ATF6: variants seen among roughly 807,000 people sequenced by gnomAD.
The protein encoded by ATF6 is cyclic AMP-dependent transcription factor ATF-6 alpha.
ATF6 carries 53 observed loss-of-function variants against 83.6 expected under a neutral mutation model. The ratio of observed to expected loss-of-function variants is 0.63; its 90% CI spans 0.51 to 0.80. The LOEUF is 0.80. Ranked by LOEUF, ATF6 falls within the 30% of genes least tolerant of loss-of-function variation. ATF6 has a pLI of 0.00. For synonymous variants in ATF6, 288 were observed against 285.8 expected, an observed-to-expected ratio of 1.01 and a Z score of -0.08; for missense variants, 744 against 797.9, an observed-to-expected ratio of 0.93 and a Z score of 0.81.
intron 4 of ATF6, among the ~76,000 whole-genome samples, chr1:161,790,340 C>T (rs1468217119): frequency 6.6e-6 from 1 of 152,062 alleles, no homozygotes; most frequent in Non-Finnish European, 1.5e-5. Context: ...GAGATTATGT[C>T]TATTGCGTGA....
chr1:161,890,636 G>C (rs7545293), intron 14 of ATF6, among the ~76,000 whole-genome samples: 15,237 of 152,280 alleles, frequency 0.1, 1,326 homozygotes, highest in East Asian at 0.32. Flanking sequence ...AGATCCGGCT[G>C]GTTCTCTGCT....
intron 6 of ATF6, among the ~76,000 whole-genome samples, chr1:161,795,100 C>T (rs773105361): frequency 5.9e-5 from 9 of 151,778 alleles, no homozygotes; most frequent in African/African-American, 9.7e-5. Flanking sequence ...TGGTCTGGCT[C>T]GGAGTCTATG....
intron 13 of ATF6, among the ~76,000 whole-genome samples, chr1:161,862,420 A>G (rs1250746302): frequency 6.6e-6 from 1 of 152,190 alleles, no homozygotes; most frequent in African/African-American, 2.4e-5. Context: ...ACCCTAGAAA[A>G]TCCTGAACAC....
At chr1:161,886,918 A>G (rs934856867) in intron 14 of ATF6, among the ~76,000 whole-genome samples, 1 of 152,188 alleles carries the variant, frequency 6.6e-6, no homozygotes, top group South Asian at 2.1e-4. Context: ...TTCTAGAGAC[A>G]CTGAATTGGC....
At chr1:161,882,699 G>T (rs1272810453) in intron 14 of ATF6, among the ~76,000 whole-genome samples, 2 of 147,340 alleles carry the variant, frequency 1.4e-5, no homozygotes, top group Non-Finnish European at 3.0e-5. Context: ...TTTAGTGGGG[G>T]TCGATACAGC....
rs185585085 is a variant in ATF6 at position 161,899,226 on chromosome 1, A to C, written c.1720-13070A>C. Among the ~76,000 whole-genome samples, 309 of 152,340 alleles carry C rather than the reference A, an allele frequency of 2.0e-3. 1 individual carries two copies. Among genetic ancestry groups the C allele is most frequent in the African/African-American group, 7.2e-3 (299 of 41,572 alleles). On this transcript the variant is annotated intron_variant, in intron 14 of 15. Transcript: ENST00000367942. ...ATAAATATTTTAAAGTACTCCAGGC[A>C]GTTCTCCTTCAGTATTCCCAGGATG...
chr1:161,926,369 G>A (rs747646018), intron 15 of ATF6, among the ~76,000 whole-genome samples: 4 of 152,066 alleles, frequency 2.6e-5, no homozygotes, highest in South Asian at 2.1e-4. Flanking sequence ...TTCTGCTTCC[G>A]GATCTCTCTT....
intron 13 of ATF6, among the ~76,000 whole-genome samples, chr1:161,860,532 C>T (rs1041921470): frequency 3.3e-5 from 5 of 151,744 alleles, no homozygotes; most frequent in African/African-American, 1.2e-4. Context: ...AATGCTGTTC[C>T]ATCATAATTT....
chr1:161,889,524 G>A (rs1455951713), intron 14 of ATF6, among the ~76,000 whole-genome samples: 1 of 152,184 alleles, frequency 6.6e-6, no homozygotes, highest in Non-Finnish European at 1.5e-5. Flanking sequence ...TCTAAATCAT[G>A]GGAAGTTACA....
chr1:161,844,876 C>G lies in ATF6; in HGVS notation c.1188-1573C>G, dbSNP rs889415435. On this transcript the variant is annotated intron_variant, in intron 9 of 15. Transcript: ENST00000367942. The stretch of plus-strand genomic sequence containing the variant: ...GTGACTTTTCTTAAGTTTAGACAGA[C>G]ATTCCACTAGGTCTCTTACCTCATT... Among the ~76,000 whole-genome samples, 3 of 152,198 alleles carry G rather than the reference C, an allele frequency of 2.0e-5. No individual in the cohort carries two copies. The South Asian group carries it at 6.2e-4, about 31-fold the overall frequency.
intron 15 of ATF6, among the ~76,000 whole-genome samples, chr1:161,938,169 G>A (rs1688575155): frequency 6.6e-6 from 1 of 152,126 alleles, no homozygotes; most frequent in South Asian, 2.1e-4. Context: ...TCGCCTGTCT[G>A]GAGTGCACTT....
Position 161,851,271 on chromosome 1 carries a change from CA to C in ATF6, c.1320-450del, listed in dbSNP as rs1557995057. ...ACACACACACACACACACACACACACACACCCCTACCTGTTTTACAGATACT... is the reference window on the plus strand; with the variant it reads ...ACACACACACACACACACACACACACCACCCCTACCTGTTTTACAGATACT... On this transcript the variant is annotated intron_variant, in intron 10 of 15. Transcript: ENST00000367942. Among the ~76,000 whole-genome samples, 363 of 149,780 alleles carry C rather than the reference CA, an allele frequency of 2.4e-3. 2 individuals are homozygous for C. Among genetic ancestry groups the C allele is most frequent in the African/African-American group, 8.6e-3 (345 of 40,338 alleles).
At chr1:161,832,889 A>G (rs1686102475) in intron 9 of ATF6, among the ~76,000 whole-genome samples, 1 of 152,230 alleles carries the variant, frequency 6.6e-6, no homozygotes, top group Non-Finnish European at 1.5e-5. Context: ...TCCCTGTCTG[A>G]CAGCTTTGAA....
At chr1:161,794,492 T>G (rs927288114) in intron 6 of ATF6, among the ~76,000 whole-genome samples, 1 of 152,188 alleles carries the variant, frequency 6.6e-6, no homozygotes, top group Admixed American at 6.5e-5. Flanking sequence ...TTGTTTGTTT[T>G]TAATAGAGAC....
chr1:161,866,920 AT>A (rs1265425829), intron 14 of ATF6, among the ~76,000 whole-genome samples: 7 of 151,916 alleles, frequency 4.6e-5, no homozygotes, highest in African/African-American at 1.7e-4. Flanking sequence ...GCTAATTTTT[AT>A]TTATTTTTTG....
intron 10 of ATF6, among the ~76,000 whole-genome samples, chr1:161,847,397 G>T (rs1284621786): frequency 6.6e-6 from 1 of 152,108 alleles, no homozygotes; most frequent in Non-Finnish European, 1.5e-5. Flanking sequence ...ACTGTTGAAA[G>T]ATGATCACCA....
At chr1:161,870,186 ATTGT>A (rs758643245) in intron 14 of ATF6, among the ~76,000 whole-genome samples, 35 of 151,920 alleles carry the variant, frequency 2.3e-4, no homozygotes, top group Middle Eastern at 3.4e-3. Flanking sequence ...AACTTCAAAA[ATTGT>A]TTGTTTGTTA....
Position 161,962,431 on chromosome 1 carries a change from T to C in ATF6, c.*3777T>C, listed in dbSNP as rs1689120574. On this transcript the variant is annotated 3_prime_UTR_variant, in exon 16 of 16. Coordinates refer to ENST00000367942, the MANE Select transcript of ATF6 (RefSeq NM_007348.4). ...TGGTGGCATTTAGCATCGTTAAAAC[T>C]GGAAAACTCTCAAGCTCTTTGCCAC... 6.6e-6 allele frequency: 1 copy of C among 152,332 alleles called. No homozygotes were observed. Among genetic ancestry groups the C allele is most frequent in the South Asian group, 2.1e-4 (1 of 4,826 alleles). The allele number at this position is 152,332 out of a possible 1,614,324, so 9.4% of individuals were successfully genotyped here. A position where few individuals can be genotyped will look rare whatever the true frequency, so the allele number is the denominator to read the frequency against.
At chr1:161,842,779 TA>T (rs935215566) in intron 9 of ATF6, among the ~76,000 whole-genome samples, 52 of 152,054 alleles carry the variant, frequency 3.4e-4, no homozygotes, top group African/African-American at 1.2e-3. Context: ...AGATAATTAT[TA>T]ATCCAGTTTT....
Sources: allele counts gnomAD v4.1 joint callset (sites outside exome capture counted in the v4.1 genomes callset), GRCh38; gene constraint gnomAD v4.1.1; transcripts MANE v1.5; gene names NCBI Gene and HGNC (gene_info 2026-07-23, HGNC 2026-07-21).